Variants in ARHGAP15 observed in about 807,000 individuals in gnomAD.
ARHGAP15 encodes rho GTPase-activating protein 15.
ARHGAP15 carries 51 observed loss-of-function variants against 63.7 expected under a neutral mutation model. That is an observed-to-expected ratio of 0.80 (90% CI 0.64 to 1.01). The LOEUF is 1.01. ARHGAP15 is among the 50% of genes least tolerant of loss of function. The probability of loss-of-function intolerance (pLI) is 0.00; values close to 1 mark genes in which losing one functional copy is unlikely to be tolerated. For missense variants in ARHGAP15, 560 were observed against 564.6 expected (o/e 0.99, Z 0.08); for synonymous variants, 191 against 193.8 (o/e 0.99, Z 0.12).
intron 6 of ARHGAP15, among the ~76,000 whole-genome samples, chr2:143,326,239 G>A (rs1412212667): frequency 2.0e-5 from 3 of 152,054 alleles, no homozygotes; most frequent in Non-Finnish European, 4.4e-5. Context: ...CATTTAATAT[G>A]TTGTTATATA....
intron 1 of ARHGAP15, among the ~76,000 whole-genome samples, chr2:143,131,166 AT>A (rs1227389663): frequency 6.6e-6 from 1 of 152,210 alleles, no homozygotes; most frequent in Non-Finnish European, 1.5e-5. Context: ...TTAAGAATGA[AT>A]TGAAGAGAGC....
At chr2:143,522,599 G>A (rs914329622) in intron 10 of ARHGAP15, among the ~76,000 whole-genome samples, 1 of 152,106 alleles carries the variant, frequency 6.6e-6, no homozygotes, top group African/African-American at 2.4e-5. Context: ...TAGAGCAGGG[G>A]TATCTAATCT....
chr2:143,646,775 A>C (rs1331724551), intron 12 of ARHGAP15, among the ~76,000 whole-genome samples: 1 of 152,084 alleles, frequency 6.6e-6, no homozygotes, highest in Non-Finnish European at 1.5e-5. Context: ...TGTGTCCTCT[A>C]CTGCAAAATA....
chr2:143,735,541 G>T (rs540129392), intron 13 of ARHGAP15, among the ~76,000 whole-genome samples: 236 of 152,292 alleles, frequency 1.5e-3, no homozygotes, highest in African/African-American at 4.8e-3. Context: ...CTCTCACTGT[G>T]TGAAAAGAAA....
intron 6 of ARHGAP15, among the ~76,000 whole-genome samples, chr2:143,407,108 T>A (rs1056903919): frequency 6.6e-6 from 1 of 151,974 alleles, no homozygotes; most frequent in African/African-American, 2.4e-5. Context: ...CTTATCCCTA[T>A]TATATCTTTT....
At chr2:143,640,621 G>C (rs949457890) in intron 12 of ARHGAP15, 14 of 152,068 alleles carry the variant, frequency 9.2e-5, no homozygotes, top group Admixed American at 7.9e-4. Context: ...GTCTTCAAAG[G>C]GTTACCTGAA....
At chr2:143,151,480 T>C (rs137872453) in intron 1 of ARHGAP15, among the ~76,000 whole-genome samples, 31 of 152,100 alleles carry the variant, frequency 2.0e-4, no homozygotes, top group African/African-American at 7.0e-4. Context: ...CAGTTTGAGA[T>C]TCAGTTAAAT....
chr2:143,220,036 T>C (rs1382254180), intron 4 of ARHGAP15, among the ~76,000 whole-genome samples: 1 of 152,226 alleles, frequency 6.6e-6, no homozygotes, highest in Non-Finnish European at 1.5e-5. Context: ...GAACATTGTA[T>C]ATGTAATCAC....
At chr2:143,320,177 A>G (rs1340929648) in intron 6 of ARHGAP15, among the ~76,000 whole-genome samples, 1 of 152,044 alleles carries the variant, frequency 6.6e-6, no homozygotes, top group Non-Finnish European at 1.5e-5. Flanking sequence ...AATATAAACT[A>G]CATGACCTGA....
intron 8 of ARHGAP15, among the ~76,000 whole-genome samples, chr2:143,468,978 C>T (rs1691384606): frequency 6.6e-6 from 1 of 152,136 alleles, no homozygotes; most frequent in South Asian, 2.1e-4. Flanking sequence ...CAATGCCTAT[C>T]CAGCCTTTCC....
At chr2:143,476,934 A>G (rs1276079154) in intron 8 of ARHGAP15, among the ~76,000 whole-genome samples, 1 of 152,206 alleles carries the variant, frequency 6.6e-6, no homozygotes, top group Non-Finnish European at 1.5e-5. Context: ...GAAGCACTTG[A>G]AAGAAATTGC....
chr2:143,583,122 C>T (rs923508355), intron 11 of ARHGAP15, among the ~76,000 whole-genome samples: 2 of 152,080 alleles, frequency 1.3e-5, no homozygotes, highest in Admixed American at 6.6e-5. Context: ...CATATAAGTG[C>T]CATTGTTAAG....
At chr2:143,383,646 T>G (rs1333595638) in intron 6 of ARHGAP15, among the ~76,000 whole-genome samples, 1 of 152,172 alleles carries the variant, frequency 6.6e-6, no homozygotes, top group Non-Finnish European at 1.5e-5. Context: ...TGATTTAAAT[T>G]TTTAAAAAGT....
chr2:143,376,117 C>T (rs183673750), intron 6 of ARHGAP15, among the ~76,000 whole-genome samples: 8 of 152,246 alleles, frequency 5.3e-5, no homozygotes. Context: ...GTAAGATTCT[C>T]AACATTACAG....
In ARHGAP15 at chr2:143,673,750, G is replaced by GTATATA. The variant is rs1239149068; in HGVS notation, c.1139-29668_1139-29667insATATAT. Among the ~76,000 whole-genome samples, 84 of 34,646 alleles carry GTATATA rather than the reference G, an allele frequency of 2.4e-3. 1 individual carries two copies. Among genetic ancestry groups the GTATATA allele is most frequent in the Middle Eastern group, 0.033 (1 of 30 alleles). 22.7% of individuals were successfully genotyped at this position (34,646 alleles called of 152,430 possible). ...TGTGTGTGTGTGTGTGTGTGTGTGTGTGTGTGTGTATATATATATATATAT... is the reference window on the plus strand; with the variant it reads ...TGTGTGTGTGTGTGTGTGTGTGTGTGTATATATGTGTGTGTATATATATATATATAT... On this transcript the variant is annotated intron_variant, in intron 12 of 13. Coordinates refer to ENST00000295095, the MANE Select transcript of ARHGAP15 (RefSeq NM_018460.4).
At chr2:143,155,729 T>A in intron 2 of ARHGAP15, 74 bp downstream of exon 2, 1 of 1,413,922 alleles carries the variant, frequency 7.1e-7, no homozygotes, top group Non-Finnish European at 9.5e-7. Flanking sequence ...AAAAGCTAAT[T>A]AGTCTTGTTT....
At chr2:143,506,620 G>A (rs1163739404) in intron 9 of ARHGAP15, among the ~76,000 whole-genome samples, 1 of 152,132 alleles carries the variant, frequency 6.6e-6, no homozygotes, top group Non-Finnish European at 1.5e-5. Context: ...CTAATGAGAT[G>A]ATGACAGGCA....
intron 8 of ARHGAP15, among the ~76,000 whole-genome samples, chr2:143,451,574 A>G (rs1690408869): frequency 6.6e-6 from 1 of 151,918 alleles, no homozygotes; most frequent in South Asian, 2.1e-4. Flanking sequence ...ACCTCAGAAA[A>G]TCAAAAGTAG....
chr2:143,656,934 G>GGTGTGTGTGTGTGTGTGTGGGTGTGT (rs1681468673), intron 12 of ARHGAP15, among the ~76,000 whole-genome samples: 1 of 144,936 alleles, frequency 6.9e-6, no homozygotes, highest in Non-Finnish European at 1.5e-5. Context: ...CAAAGTTTCT[G>GGTGTGTGTGTGTGTGTGTGGGTGTGT]GTGTGTGTGT....
Sources: allele counts gnomAD v4.1 joint callset (sites outside exome capture counted in the v4.1 genomes callset), GRCh38; gene constraint gnomAD v4.1.1; transcripts MANE v1.5; gene names NCBI Gene and HGNC (gene_info 2026-07-23, HGNC 2026-07-21).